Variants in TPST2 observed in about 807,000 individuals in gnomAD.
The protein encoded by TPST2 is protein-tyrosine sulfotransferase 2.
Under a neutral mutation model 27.8 loss-of-function variants are expected in TPST2, and 16 were observed. That is an observed-to-expected ratio of 0.58 (90% CI 0.39 to 0.88). TPST2 has a LOEUF of 0.88. TPST2 is among the 40% of genes least tolerant of loss of function. The probability of loss-of-function intolerance (pLI) is 0.00; values close to 1 mark genes in which losing one functional copy is unlikely to be tolerated. For synonymous variants in TPST2, 229 were observed against 231.7 expected, an observed-to-expected ratio of 0.99 and a Z score of 0.10; for missense variants, 464 against 543.1, an observed-to-expected ratio of 0.85 and a Z score of 1.45.
intron 4 of TPST2, among the ~76,000 whole-genome samples, chr22:26,533,730 A>G (rs954667475): frequency 3.3e-5 from 5 of 151,486 alleles, no homozygotes; most frequent in Middle Eastern, 6.8e-3. Flanking sequence ...GCTGGAGTGC[A>G]GTGGTGCGAT....
intron 5 of TPST2, among the ~76,000 whole-genome samples, chr22:26,528,997 A>G (rs868302819): frequency 1.1e-4 from 13 of 119,442 alleles, no homozygotes; most frequent in African/African-American, 3.8e-4. Context: ...AACAAAAACA[A>G]AAACAAAAAA....
In TPST2 at chr22:26,536,113, C is replaced by T. The variant is rs1341429744; in HGVS notation, c.1041+175G>A. On this transcript the variant is annotated intron_variant, in intron 4 of 6. Transcript: ENST00000338754. Reference sequence around the variant, plus strand: ...GTTGGCTTTGAGCTTCCCTGCAGCCCAAGCAAAATGGAAATACAAGCAATC... The same window carrying T: ...GTTGGCTTTGAGCTTCCCTGCAGCCTAAGCAAAATGGAAATACAAGCAATC... 5 of 959,640 alleles carry T rather than the reference C, an allele frequency of 5.2e-6. No homozygotes were observed. The African/African-American group carries it at 8.1e-5, about 16-fold the overall frequency. 59.4% of individuals were successfully genotyped at this position (959,640 alleles called of 1,614,324 possible).
chr22:26,585,838 C>G (rs9608509), intron 1 of TPST2, among the ~76,000 whole-genome samples: 50,709 of 151,824 alleles, frequency 0.33, 8,964 homozygotes, highest in Admixed American at 0.43. Context: ...ATCACAAGGT[C>G]AGGAGATCGA....
At chr22:26,540,181 G>A (rs989586866) in intron 3 of TPST2, among the ~76,000 whole-genome samples, 1 of 152,160 alleles carries the variant, frequency 6.6e-6, no homozygotes, top group East Asian at 1.9e-4. Context: ...GGGTTGAGTC[G>A]CTTTGCCCAG....
At chr22:26,558,578 T>C (rs561191861) in intron 1 of TPST2, among the ~76,000 whole-genome samples, 1 of 152,330 alleles carries the variant, frequency 6.6e-6, no homozygotes, top group Admixed American at 6.5e-5. Flanking sequence ...CATGACTCAC[T>C]GGCTGGACAG....
chr22:26,558,042 G>A (rs1035616937), intron 1 of TPST2, among the ~76,000 whole-genome samples: 6 of 147,400 alleles, frequency 4.1e-5, no homozygotes, highest in Non-Finnish European at 6.0e-5. Context: ...GGGAGACTCC[G>A]TCTCAAAAAA....
At chr22:26,575,718 G>A (rs1347587522) in intron 1 of TPST2, among the ~76,000 whole-genome samples, 9 of 152,178 alleles carry the variant, frequency 5.9e-5, no homozygotes, top group African/African-American at 1.2e-4. Flanking sequence ...GATGCAGGCC[G>A]GGCGCAGTGG....
At chr22:26,574,700 G>T (rs1447670027) in intron 1 of TPST2, among the ~76,000 whole-genome samples, 2 of 152,118 alleles carry the variant, frequency 1.3e-5, no homozygotes, top group Non-Finnish European at 2.9e-5. Context: ...ACGAGGAAAA[G>T]GCGACAGTGA....
chr22:26,584,226 G>A lies in TPST2; in HGVS notation c.-161+5827C>T, dbSNP rs576602923. Among the ~76,000 whole-genome samples the A allele has an allele frequency of 9.8e-4, 149 of 152,290 alleles. 1 individual carries two copies. Among genetic ancestry groups the A allele is most frequent in the Middle Eastern group, 3.4e-3 (1 of 294 alleles). Reference sequence around the variant, plus strand: ...TTGCCCAATGTCACACAGCAATTTGGAGGAAGAGTTGGGACTTGGCTGCTT... The same window carrying A: ...TTGCCCAATGTCACACAGCAATTTGAAGGAAGAGTTGGGACTTGGCTGCTT... On this transcript the variant is annotated intron_variant, in intron 1 of 6. Coordinates refer to ENST00000338754, the MANE Select transcript of TPST2 (RefSeq NM_003595.5).
chr22:26,578,866 T>TC (rs1927972896), intron 1 of TPST2, among the ~76,000 whole-genome samples: 1 of 151,556 alleles, frequency 6.6e-6, no homozygotes, highest in Non-Finnish European at 1.5e-5. Flanking sequence ...TTTTTTTTTT[T>TC]TTTGAGACGG....
intron 1 of TPST2, among the ~76,000 whole-genome samples, chr22:26,586,320 G>C (rs1038731031): frequency 1.3e-5 from 2 of 152,132 alleles, no homozygotes; most frequent in African/African-American, 4.8e-5. Context: ...GTGCAGTGGT[G>C]CAATCTCAGC....
intron 1 of TPST2, among the ~76,000 whole-genome samples, chr22:26,568,980 C>A (rs1927490683): frequency 6.6e-6 from 1 of 151,228 alleles, no homozygotes. Flanking sequence ...TCTCCTGCCT[C>A]AGCCTCCCGA....
intron 1 of TPST2, among the ~76,000 whole-genome samples, chr22:26,577,476 T>C (rs548666684): frequency 2.9e-4 from 44 of 151,388 alleles, no homozygotes; most frequent in African/African-American, 9.9e-4. Context: ...TCCCGAGTAG[T>C]AGCTGGGACT....
At chr22:26,559,562 C>T (rs998439208) in intron 1 of TPST2, among the ~76,000 whole-genome samples, 8 of 152,170 alleles carry the variant, frequency 5.3e-5, no homozygotes, top group Admixed American at 2.6e-4. Context: ...ACCCCCTTCT[C>T]CTCCCAGCCC....
intron 1 of TPST2, chr22:26,560,403 T>C (rs189093845): frequency 3.2e-6 from 2 of 618,216 alleles, no homozygotes; most frequent in African/African-American, 1.8e-5. Context: ...ATATGACTTT[T>C]GTAAGGATTA....
intron 1 of TPST2, among the ~76,000 whole-genome samples, chr22:26,568,085 T>A (rs1331766180): frequency 1.3e-5 from 2 of 152,192 alleles, no homozygotes; most frequent in East Asian, 3.8e-4. Context: ...TGCATTCAAC[T>A]GTTCACCGAA....
At chr22:26,569,241 T>C (rs562630482) in intron 1 of TPST2, among the ~76,000 whole-genome samples, 2 of 152,154 alleles carry the variant, frequency 1.3e-5, no homozygotes, top group Admixed American at 1.3e-4. Flanking sequence ...CAGTAACAGT[T>C]CCATGGATAC....
intron 1 of TPST2, among the ~76,000 whole-genome samples, chr22:26,583,636 T>A (rs5761612): frequency 0.16 from 24,344 of 151,544 alleles, 2,224 homozygotes; most frequent in East Asian, 0.31. Flanking sequence ...CAGGCGGAGT[T>A]CGAGACCAGC....
At chr22:26,532,636 G>A in intron 5 of TPST2, 59 bp downstream of exon 5, 20 of 1,557,118 alleles carry the variant, frequency 1.3e-5, no homozygotes, top group Non-Finnish European at 1.8e-5. Context: ...AGGGCATACA[G>A]CCAGATGGTG....
Sources: allele counts gnomAD v4.1 joint callset (sites outside exome capture counted in the v4.1 genomes callset), GRCh38; gene constraint gnomAD v4.1.1; transcripts MANE v1.5; gene names NCBI Gene and HGNC (gene_info 2026-07-23, HGNC 2026-07-21).